The following NMT1 variants were observed in gnomAD, a reference collection of about 807,000 sequenced individuals.
The protein encoded by NMT1 is N-myristoyltransferase 1.
NMT1 carries 12 observed loss-of-function variants against 63.4 expected under a neutral mutation model. The observed-to-expected ratio is 0.19, with a 90% CI of 0.12 to 0.31. The LOEUF is 0.31. Among genes scored for constraint, NMT1 ranks in the 10% least tolerant of loss-of-function variants. The probability of loss-of-function intolerance (pLI) is 1.00; values close to 1 mark genes in which losing one functional copy is unlikely to be tolerated. For synonymous variants in NMT1, 228 were observed against 234.3 expected (o/e 0.97, Z 0.25); for missense variants, 432 against 634.6 (o/e 0.68, Z 3.43).
chr17:45,105,183 G>GT lies in NMT1; in HGVS notation c.1470+188dup, dbSNP rs970681775. ...CAGCGTTCCCCTCTCAGCAACTGGTGTGAGGATGGCAGAGGGGACAGAGCC... is the reference window on the plus strand; with the variant it reads ...CAGCGTTCCCCTCTCAGCAACTGGTGTTGAGGATGGCAGAGGGGACAGAGCC... On this transcript the variant is annotated intron_variant, in intron 11 of 11. Coordinates refer to ENST00000258960, the MANE Select transcript of NMT1 (RefSeq NM_021079.5). The surrounding 1 kb of genome is among the most constrained non-coding windows in gnomAD (Gnocchi z 4.2). Among the ~76,000 whole-genome samples, 1 of 152,194 alleles carries GT rather than the reference G, an allele frequency of 6.6e-6. No individual in the cohort carries two copies. The highest frequency in any genetic ancestry group is 2.4e-5 in the African/African-American group (1 of 41,440).
Position 45,104,982 on chromosome 17 carries a change from A to G in NMT1, c.1456A>G (p.Met486Val), listed in dbSNP as rs1474867123. 3.1e-6 allele frequency: 5 copies of G among 1,614,148 alleles called. No homozygotes were observed. The highest frequency in any genetic ancestry group is 3.4e-6 in the Non-Finnish European group (4 of 1,180,022). Residue 486 changes from methionine to valine, a missense_variant, in exon 11 of 12, where the codon ATG becomes GTG. Met to Val is a conservative substitution (Grantham distance 21). Coordinates refer to ENST00000258960, the MANE Select transcript of NMT1 (RefSeq NM_021079.5). The surrounding 1 kb of genome is among the most constrained non-coding windows in gnomAD (Gnocchi z 4.2). ...YYLYNWKCPS[M>V]GAEKVGLVLQ The stretch of plus-strand genomic sequence containing the variant: ...CCTTTACAATTGGAAATGCCCCAGC[A>G]TGGGGGCAGAGAAGGTAGGCGACAC...
At chr17:45,079,211 T>C (rs2053996903) in intron 1 of NMT1, among the ~76,000 whole-genome samples, 1 of 151,786 alleles carries the variant, frequency 6.6e-6, no homozygotes, top group African/African-American at 2.4e-5. Flanking sequence ...TTCAAGCAGT[T>C]CTCCTGCCTC....
intron 6 of NMT1, 55 bp downstream of exon 6, chr17:45,097,299 G>A (rs2143511726): frequency 3.0e-6 from 4 of 1,341,312 alleles, no homozygotes; most frequent in Non-Finnish European, 4.3e-6. Context: ...TGCTTGGTCT[G>A]GGAGAGAGTA....
At chr17:45,079,010 C>T (rs1023857754) in intron 1 of NMT1, among the ~76,000 whole-genome samples, 8 of 152,188 alleles carry the variant, frequency 5.3e-5, no homozygotes, top group African/African-American at 1.9e-4. Context: ...GTTAAAATTA[C>T]CTCTGTGTTT....
chr17:45,088,439 A>G (rs2054067817), intron 3 of NMT1, among the ~76,000 whole-genome samples: 1 of 152,220 alleles, frequency 6.6e-6, no homozygotes, highest in Admixed American at 6.5e-5. Flanking sequence ...TACATTCTTC[A>G]CAGATAGTGG....
At chr17:45,065,399 G>A (rs57360372) in intron 1 of NMT1, among the ~76,000 whole-genome samples, 5,409 of 152,048 alleles carry the variant, frequency 0.036, 340 homozygotes, top group African/African-American at 0.12. Context: ...TAAGGCGGGC[G>A]GGATCATGAG....
At chr17:45,088,584 G>C (rs111931312) in intron 3 of NMT1, among the ~76,000 whole-genome samples, 1 of 151,974 alleles carries the variant, frequency 6.6e-6, no homozygotes, top group Non-Finnish European at 1.5e-5. Context: ...GTAAAACCTC[G>C]TCTCTACTAA....
At chr17:45,088,084 G>T (rs1401522183) in intron 3 of NMT1, among the ~76,000 whole-genome samples, 1 of 152,232 alleles carries the variant, frequency 6.6e-6, no homozygotes, top group East Asian at 1.9e-4. Flanking sequence ...AGCTGAGGAG[G>T]TGCATCCCCA....
At chr17:45,067,366 G>A (rs983770355) in intron 1 of NMT1, among the ~76,000 whole-genome samples, 6 of 152,120 alleles carry the variant, frequency 3.9e-5, no homozygotes, top group Admixed American at 6.6e-5. Context: ...TGAGATCCTG[G>A]TAAGCACGGG....
chr17:45,099,533 G>A lies in NMT1; in HGVS notation c.993+20G>A, dbSNP rs1179428930. The A allele has an allele frequency of 3.9e-6, 6 of 1,551,848 alleles. No homozygotes were observed. Among genetic ancestry groups the A allele is most frequent in the Non-Finnish European group, 5.3e-6 (6 of 1,123,004 alleles). On this transcript the variant is annotated intron_variant, in intron 8 of 11. Transcript: ENST00000258960. The stretch of plus-strand genomic sequence containing the variant: ...CCAGAGGCCAGTGCTGCCCCGGGTG[G>A]TGGGCAGGGGGCAGAGAGAGGGCAA...
rs200165517 is a variant in NMT1, at chr17:45,096,161, A to G, written c.505-33A>G. 4.0e-5 allele frequency: 61 copies of G among 1,540,350 alleles called. No homozygotes were observed. In the African/African-American group the frequency reaches 7.7e-4, roughly 20 times the overall value. Reference sequence around the variant, plus strand: ...TGGAGTTGGTCTACTACCTGGCAGAATACCTCCAAGTGAGCTGCTTATTTC... The same window carrying G: ...TGGAGTTGGTCTACTACCTGGCAGAGTACCTCCAAGTGAGCTGCTTATTTC... On this transcript the variant is annotated intron_variant, in intron 4 of 11. Transcript: ENST00000258960.
chr17:45,088,846 CT>C (rs2054070376), intron 3 of NMT1, among the ~76,000 whole-genome samples: 1 of 151,968 alleles, frequency 6.6e-6, no homozygotes, highest in Non-Finnish European at 1.5e-5. Flanking sequence ...TTCCTTTCAC[CT>C]GTAAATGTAG....
At chr17:45,070,320 G>A (rs1157912114) in intron 1 of NMT1, among the ~76,000 whole-genome samples, 2 of 151,894 alleles carry the variant, frequency 1.3e-5, no homozygotes, top group Non-Finnish European at 2.9e-5. Context: ...GCGTAATCTC[G>A]GCTCACTGCA....
intron 1 of NMT1, among the ~76,000 whole-genome samples, chr17:45,064,171 G>A (rs1387876642): frequency 1.3e-5 from 2 of 152,108 alleles, no homozygotes; most frequent in Non-Finnish European, 2.9e-5. Context: ...GCAACGGAGC[G>A]AGACTCCATC....
chr17:45,076,935 T>A (rs1178562601), intron 1 of NMT1, among the ~76,000 whole-genome samples: 1 of 152,174 alleles, frequency 6.6e-6, no homozygotes, highest in African/African-American at 2.4e-5. Flanking sequence ...ATACTTGTAT[T>A]GGCAATGCAT....
At position 45,103,202 on chromosome 17, in the gene NMT1, G is replaced by T; in HGVS notation, c.1164+81G>T. On this transcript the variant is annotated intron_variant, in intron 9 of 11. Transcript: ENST00000258960. This position sits in a 1 kb window ranked among gnomAD's most constrained non-coding sequence, Gnocchi z 4.8. ...CTGAGTGGCCGGGTTCCCAGGGCTC[G>T]AGTGTTGGCACCTTAGACTTCCTTG... 1 of 1,369,770 alleles carries T rather than the reference G, an allele frequency of 7.3e-7. No individual in the cohort carries two copies. Among genetic ancestry groups the T allele is most frequent in the Non-Finnish European group, 1.0e-6 (1 of 981,432 alleles). The allele number at this position is 1,369,770 out of a possible 1,614,324, so 84.9% of individuals were successfully genotyped here.
intron 1 of NMT1, 40 bp downstream of exon 1, chr17:45,061,500 C>A: frequency 6.3e-7 from 1 of 1,592,364 alleles, no homozygotes; most frequent in Non-Finnish European, 8.6e-7. Context: ...TCCAGCCTCC[C>A]ACAACCTGGG....
At chr17:45,083,602 G>C (rs2054031052) in intron 2 of NMT1, 1 of 152,140 alleles carries the variant, frequency 6.6e-6, no homozygotes, top group African/African-American at 2.4e-5. Flanking sequence ...CTACAAGGTA[G>C]GTAGGGGTCT....
intron 7 of NMT1, 44 bp downstream of exon 7, chr17:45,098,596 C>T: frequency 6.3e-7 from 1 of 1,575,914 alleles, no homozygotes. Flanking sequence ...CGGGTGTCTG[C>T]ACTGTAGTTG....
Sources: gnomAD v4.1 joint callset for allele counts (sites outside exome capture counted in the v4.1 genomes callset) on GRCh38, gnomAD v4.1.1 for gene constraint, Gnocchi (gnomAD v3.1) non-coding constraint, MANE v1.5 for transcripts, NCBI Gene and HGNC (gene_info 2026-07-23, HGNC 2026-07-21) for gene names.